CTDP1: variants seen among roughly 807,000 people sequenced by gnomAD.
CTDP1 encodes the protein CTD phosphatase 1, also known as RNA polymerase II subunit A C-terminal domain phosphatase.
CTDP1 carries 47 observed loss-of-function variants against 91.8 expected under a neutral mutation model. That is an observed-to-expected ratio of 0.51 (90% confidence interval 0.41 to 0.65). The LOEUF is 0.65. CTDP1 is among the 30% of genes least tolerant of loss of function. CTDP1 has a pLI of 0.00. For missense variants in CTDP1, 1,272 were observed against 1,373.7 expected (o/e 0.93, Z 1.17); for synonymous variants, 656 against 598.5 (o/e 1.10, Z -1.40).
chr18:79,696,528 C>T (rs999172909), intron 3 of CTDP1, among the ~76,000 whole-genome samples: 3 of 141,724 alleles, frequency 2.1e-5, no homozygotes, highest in Admixed American at 7.0e-5. Flanking sequence ...GGGGTAGGGG[C>T]GGGGGGACGT....
intron 12 of CTDP1, among the ~76,000 whole-genome samples, chr18:79,745,264 C>CGTCCCTCCCGTGCGCGTTCTGTCCCTGT (rs2086859167): frequency 7.4e-6 from 1 of 134,582 alleles, no homozygotes; most frequent in Non-Finnish European, 1.6e-5. Context: ...TCTGTCCCTG[C>CGTCCCTCCCGTGCGCGTTCTGTCCCTGT]GTCCCTCCCG....
At position 79,680,130 on chromosome 18, in the gene CTDP1, CG is replaced by C; in HGVS notation, c.187del (p.Ala63ProfsTer6). On this transcript the variant is annotated frameshift_variant, in exon 1 of 13. Coordinates refer to ENST00000613122, the MANE Select transcript of CTDP1 (RefSeq NM_004715.5). LOFTEE classifies it high-confidence loss of function. ...FEAAASAQSS[G>X]ASQSRVASGG... is the part of the protein sequence containing the mutation. ...AGGCCGCCGCCTCCGCGCAGTCCTC[CG>C]GGGCCTCTCAGTCCCGTGTAGCCTC... 2.1e-6 allele frequency: 3 copies of C among 1,430,442 alleles called. No homozygotes were observed. The highest frequency in any genetic ancestry group is 3.1e-5 in the East Asian group (1 of 31,920). The allele number at this position is 1,430,442 out of a possible 1,614,324, so 88.6% of individuals were successfully genotyped here.
In CTDP1 at chr18:79,680,032, C is replaced by G; in HGVS notation, c.85C>G (p.Pro29Ala). The G allele has an allele frequency of 7.9e-7, 1 of 1,259,610 alleles. No individual in the cohort carries two copies. Among genetic ancestry groups the G allele is most frequent in the Non-Finnish European group, 9.9e-7 (1 of 1,006,690 alleles). The allele number at this position is 1,259,610 out of a possible 1,614,324, so 78.0% of individuals were successfully genotyped here. A position where few individuals can be genotyped will look rare whatever the true frequency, so the allele number is the denominator to read the frequency against. ...VAEVRCPGPA[P>A]LRLLEWRVAA... ...CGAGGTGCGCTGCCCGGGGCCCGCG[C>G]CGCTGCGCCTGCTGGAGTGGAGGGT... is the stretch of plus-strand genomic sequence containing the variant. The change falls in exon 1 of 13, where the codon CCG becomes GCG. Residue 29 changes from proline to alanine, a missense_variant. This residue lies in a region of CTDP1 where 214 missense variants were observed against 179.1 expected (regional missense o/e 1.19). Transcript: ENST00000613122.
At chr18:79,722,872 T>G (rs1439214064) in intron 10 of CTDP1, among the ~76,000 whole-genome samples, 1 of 152,186 alleles carries the variant, frequency 6.6e-6, no homozygotes, top group East Asian at 1.9e-4. Flanking sequence ...CCTGGGCCTG[T>G]GTGGATTGGC....
At chr18:79,683,802 C>T (rs1433911946) in intron 1 of CTDP1, among the ~76,000 whole-genome samples, 2 of 152,284 alleles carry the variant, frequency 1.3e-5, no homozygotes, top group Non-Finnish European at 2.9e-5. Flanking sequence ...TTGTTGAGGA[C>T]ATTGCTGACG....
At chr18:79,722,658 C>T (rs950545474) in intron 10 of CTDP1, among the ~76,000 whole-genome samples, 5 of 152,276 alleles carry the variant, frequency 3.3e-5, no homozygotes, top group Admixed American at 6.5e-5. Context: ...TTCACTTGTA[C>T]GTGTTGGAAA....
At chr18:79,731,608 G>A (rs966486074) in intron 11 of CTDP1, among the ~76,000 whole-genome samples, 5 of 152,174 alleles carry the variant, frequency 3.3e-5, no homozygotes, top group African/African-American at 9.7e-5. Context: ...ACCCGTCCCC[G>A]TGTAGCACAT....
intron 8 of CTDP1, among the ~76,000 whole-genome samples, chr18:79,716,225 T>G (rs2122643605): frequency 6.6e-6 from 1 of 152,342 alleles, no homozygotes; most frequent in East Asian, 1.9e-4. Context: ...TGGCGGCGTT[T>G]CCTGAGAGGG....
intron 8 of CTDP1, among the ~76,000 whole-genome samples, chr18:79,716,281 G>T (rs896079283): frequency 4.6e-5 from 7 of 152,220 alleles, no homozygotes; most frequent in Non-Finnish European, 7.3e-5. Flanking sequence ...AAAGCCTTGT[G>T]GGGTGAGCTC....
At chr18:79,715,831 C>A (rs1339781534) in intron 8 of CTDP1, among the ~76,000 whole-genome samples, 1 of 152,082 alleles carries the variant, frequency 6.6e-6, no homozygotes, top group African/African-American at 2.4e-5. Flanking sequence ...GCGATAGGGA[C>A]GTAGTGGAGA....
intron 10 of CTDP1, among the ~76,000 whole-genome samples, chr18:79,722,631 A>T (rs1599271362): frequency 6.6e-6 from 1 of 152,292 alleles, no homozygotes; most frequent in East Asian, 1.9e-4. Context: ...TTGTCACGTT[A>T]AGGAAATGTC....
rs1434962989 is a variant in CTDP1, at chr18:79,736,391, G to A, written c.2617G>A (p.Asp873Asn). ...DILGEGSDDS[D>N]SEKRRPEEQE... is the part of the protein sequence containing the mutation. ...CCTTGGAGAAGGCAGCGACGACAGC[G>A]ACAGCGAGAAGAGGAGGCCTGAGGA... The change falls in exon 12 of 13, where the codon GAC becomes AAC. Residue 873 changes from aspartate (D) to asparagine (N), a missense_variant. This residue lies in a region of CTDP1 where 881 missense variants were observed against 911.6 expected (regional missense o/e 0.97). Transcript: ENST00000613122. 39 of 1,549,332 alleles carry A rather than the reference G, an allele frequency of 2.5e-5. 1 individual carries two copies. The highest frequency in any genetic ancestry group is 2.3e-4 in the Middle Eastern group (1 of 4,428).
chr18:79,688,995 A>T (rs572732972), intron 1 of CTDP1, among the ~76,000 whole-genome samples: 1 of 152,304 alleles, frequency 6.6e-6, no homozygotes, highest in African/African-American at 2.4e-5. Flanking sequence ...CTGGAGTTGG[A>T]GAGTTAGTTG....
chr18:79,679,981 G>T lies in CTDP1; in HGVS notation c.34G>T (p.Glu12Ter). 7.4e-7 allele frequency: 1 copy of T among 1,355,024 alleles called. No individual in the cohort carries two copies. Among genetic ancestry groups the T allele is most frequent in the South Asian group, 1.6e-5 (1 of 61,712 alleles). The allele number at this position is 1,355,024 out of a possible 1,614,324, so 83.9% of individuals were successfully genotyped here. A position where few individuals can be genotyped will look rare whatever the true frequency, so the allele number is the denominator to read the frequency against. The change falls in exon 1 of 13, where the codon GAG becomes TAG. Residue 12 changes from glutamate (E) to a stop codon, truncating the protein, a stop_gained. Transcript: ENST00000613122. LOFTEE classifies it high-confidence loss of function. The part of the protein sequence containing the change: ...EVPAAGRVPA[E>*]GAPTAAVAEV... ...GCCGGCCGCGGGTCGCGTTCCTGCC[G>T]AGGGCGCCCCGACGGCGGCTGTGGC...
intron 6 of CTDP1, 38 bp from the exon 7 acceptor site, chr18:79,712,934 A>G: frequency 1.9e-6 from 3 of 1,605,398 alleles, no homozygotes; most frequent in East Asian, 4.5e-5. Flanking sequence ...ACAACTTTTC[A>G]TTATTATTTT....
At position 79,680,025 on chromosome 18, in the gene CTDP1, G is replaced by T; in HGVS notation, c.78G>T (p.Gly26=). The change falls in exon 1 of 13, where the codon GGG becomes GGT. Residue 26 remains glycine (G), a synonymous_variant. Transcript: ENST00000613122. ...CTGTGGCCGAGGTGCGCTGCCCGGGGCCCGCGCCGCTGCGCCTGCTGGAGT... is the reference window on the plus strand; with the variant it reads ...CTGTGGCCGAGGTGCGCTGCCCGGGTCCCGCGCCGCTGCGCCTGCTGGAGT... The part of the protein sequence containing the change: ...TAAVAEVRCP[G]PAPLRLLEWR... 7.9e-7 allele frequency: 1 copy of T among 1,265,660 alleles called. No homozygotes were observed. Among genetic ancestry groups the T allele is most frequent in the Non-Finnish European group, 9.9e-7 (1 of 1,009,870 alleles). The allele number at this position is 1,265,660 out of a possible 1,614,324, so 78.4% of individuals were successfully genotyped here. A position where few individuals can be genotyped will look rare whatever the true frequency, so the allele number is the denominator to read the frequency against.
chr18:79,747,989 TTC>T (rs2086915003), intron 12 of CTDP1, among the ~76,000 whole-genome samples: 1 of 152,220 alleles, frequency 6.6e-6, no homozygotes, highest in Admixed American at 6.5e-5. Flanking sequence ...ATATATATTA[TTC>T]TGTTTGTATT....
At position 79,701,460 on chromosome 18, in the gene CTDP1, C is replaced by A. The variant is rs868138088; in HGVS notation, c.622-3307C>A. Among the ~76,000 whole-genome samples the A allele has an allele frequency of 2.0e-5, 3 of 151,360 alleles. No homozygotes were observed. In the South Asian group the frequency reaches 6.3e-4, roughly 32 times the overall value. ...GGGAGGCGGAGCTTGCAGTGAGCCA[C>A]GATCGCACCACTGCACTCCAGCCTG... On this transcript the variant is annotated intron_variant, in intron 4 of 12. Coordinates refer to ENST00000613122, the MANE Select transcript of CTDP1 (RefSeq NM_004715.5).
intron 1 of CTDP1, among the ~76,000 whole-genome samples, chr18:79,682,378 C>T (rs978806413): frequency 1.3e-5 from 2 of 152,164 alleles, no homozygotes; most frequent in Non-Finnish European, 1.5e-5. Context: ...GGAGTAGCGC[C>T]CTGCAGTGTG....
Sources: gnomAD v4.1 joint callset for allele counts (sites outside exome capture counted in the v4.1 genomes callset) on GRCh38, gnomAD v4.1.1 for gene constraint, gnomAD v4.1.1 regional missense constraint, MANE v1.5 for transcripts, NCBI Gene and HGNC (gene_info 2026-07-23, HGNC 2026-07-21) for gene names.